RESF1: variants seen among roughly 807,000 people sequenced by gnomAD.
RESF1 encodes the protein retroelement silencing factor 1, also known as gonad expressed transcript.
In RESF1, 65 loss-of-function variants were observed where a neutral mutation model predicts 134.7. The ratio of observed to expected loss-of-function variants is 0.48; its 90% CI spans 0.40 to 0.59. RESF1 has a LOEUF of 0.59. Ranked by LOEUF, RESF1 falls within the 20% of genes least tolerant of loss-of-function variation. The pLI is 0.00. For missense variants in RESF1, 2,274 were observed against 2,002.7 expected (o/e 1.14, Z -2.59); for synonymous variants, 762 against 702.2 (o/e 1.09, Z -1.35).
intron 2 of RESF1, among the ~76,000 whole-genome samples, chr12:31,966,255 A>G (rs868778140): frequency 6.6e-6 from 1 of 152,146 alleles, no homozygotes; most frequent in Non-Finnish European, 1.5e-5. Flanking sequence ...CATGCTGCCC[A>G]TGGGCCGCGG....
In RESF1 at chr12:31,984,532, A is replaced by C. The variant is rs776090980; in HGVS notation, c.3577A>C (p.Ile1193Leu). The C allele has an allele frequency of 5.6e-6, 9 of 1,595,602 alleles. No individual in the cohort carries two copies. The highest frequency in any genetic ancestry group is 7.7e-6 in the Non-Finnish European group (9 of 1,171,140). Residue 1193 changes from isoleucine (I) to leucine (L), a missense_variant, in exon 4 of 6, where the codon ATC (isoleucine) becomes CTC (leucine). By Grantham distance (5) the Ile-to-Leu change is conservative. Coordinates refer to ENST00000312561, the MANE Select transcript of RESF1 (RefSeq NM_018169.4). ...EGVPQCQCNS[I>L]KNSSSEEEKQ... The stretch of plus-strand genomic sequence containing the variant: ...AGTACCCCAGTGTCAGTGTAATTCC[A>C]TCAAGAACTCATCTTCAGAGGAAGA...
rs189940575 is a variant in RESF1 at position 31,979,014 on chromosome 12, G to A, written c.-78-1864G>A. On this transcript the variant is annotated intron_variant, in intron 3 of 5. Coordinates refer to ENST00000312561, the MANE Select transcript of RESF1 (RefSeq NM_018169.4). ...GGGCTCACTGCAAGCTCCGCCTACC[G>A]GGTTCTCACCATTCTCCTGCCTCAG... Among the ~76,000 whole-genome samples the A allele has an allele frequency of 4.6e-3, 692 of 149,344 alleles. 6 individuals carry two copies. The highest frequency in any genetic ancestry group is 0.017 in the African/African-American group (672 of 40,658).
chr12:31,981,507 G>A lies in RESF1; in HGVS notation c.552G>A (p.Gln184=). Residue 184 remains glutamine, a synonymous_variant, in exon 4 of 6, where the codon CAG becomes CAA. Coordinates refer to ENST00000312561, the MANE Select transcript of RESF1 (RefSeq NM_018169.4). Reference sequence around the variant, plus strand: ...TTCCTGTAGCTTACCAAGGAAATCAGGGACTTAACCAGTCTTTTTCAGAGC... The same window carrying A: ...TTCCTGTAGCTTACCAAGGAAATCAAGGACTTAACCAGTCTTTTTCAGAGC... ...TRLPVAYQGN[Q]GLNQSFSEQQ... 6.2e-7 allele frequency: 1 copy of A among 1,613,980 alleles called. No individual in the cohort carries two copies. Among genetic ancestry groups the A allele is most frequent in the Non-Finnish European group, 8.5e-7 (1 of 1,179,912 alleles).
intron 4 of RESF1, among the ~76,000 whole-genome samples, chr12:31,986,969 C>T (rs1324248321): frequency 1.3e-5 from 2 of 152,166 alleles, no homozygotes; most frequent in African/African-American, 4.8e-5. Context: ...TTTTCTATCT[C>T]ATGTGTCCTT....
In RESF1 at chr12:31,984,479, T is replaced by C; in HGVS notation, c.3524T>C (p.Leu1175Ser). 1 of 1,612,518 alleles carries C rather than the reference T, an allele frequency of 6.2e-7. No homozygotes were observed. The highest frequency in any genetic ancestry group is 8.5e-7 in the Non-Finnish European group (1 of 1,178,776). ...AAAGATGATATCCACTGCTGTGCAT[T>C]GGGCTGGCTCTCCATGGTTTACGAA... ...SEKDDIHCCA[L>S]GWLSMVYEGV... Residue 1175 changes from leucine to serine, a missense_variant, in exon 4 of 6, where the codon TTG becomes TCG. Transcript: ENST00000312561.
At position 31,981,108 on chromosome 12, in the gene RESF1, G is replaced by A. The variant is rs919034290; in HGVS notation, c.153G>A (p.Met51Ile). 15 of 1,614,022 alleles carry A rather than the reference G, an allele frequency of 9.3e-6. No individual in the cohort carries two copies. In the African/African-American group the frequency reaches 1.5e-4, roughly 16 times the overall value. The change falls in exon 4 of 6, where the codon ATG becomes ATA. Residue 51 changes from methionine (M) to isoleucine (I), a missense_variant. Transcript: ENST00000312561. ...SYPGSNQEACMYPGNSNPISQ... is the reference protein window; with the variant it reads ...SYPGSNQEACIYPGNSNPISQ... ...CTGGAAGTAACCAAGAAGCATGCATGTATCCCGGTAATTCAAATCCAATTT... is the reference window on the plus strand; with the variant it reads ...CTGGAAGTAACCAAGAAGCATGCATATATCCCGGTAATTCAAATCCAATTT...
In RESF1 at chr12:31,963,318, C is replaced by T. The variant is rs538757838; in HGVS notation, c.-247+2447C>T. Among the ~76,000 whole-genome samples, 17 of 151,170 alleles carry T rather than the reference C, an allele frequency of 1.1e-4. 1 individual carries two copies. The East Asian group carries it at 2.9e-3, about 26-fold the overall frequency. On this transcript the variant is annotated intron_variant, in intron 2 of 5. Transcript: ENST00000312561. ...TGAGATCACACCACTGCACTCCAGC[C>T]TGGACGACAGAGCGAGACTGTCTCA... is the stretch of plus-strand genomic sequence containing the variant.
chr12:31,972,605 CA>C (rs71064904), intron 3 of RESF1, among the ~76,000 whole-genome samples: 40,212 of 108,496 alleles, frequency 0.37, 5,384 homozygotes, highest in East Asian at 0.63. Flanking sequence ...GACTCCGTCT[CA>C]AAAAAAAAAA....
Position 31,984,486 on chromosome 12 carries a change from G to T in RESF1, c.3531G>T (p.Trp1177Cys). The change falls in exon 4 of 6, where the codon TGG (tryptophan) becomes TGT (cysteine). Residue 1177 changes from tryptophan to cysteine, a missense_variant. Transcript: ENST00000312561. ...ATATCCACTGCTGTGCATTGGGCTG[G>T]CTCTCCATGGTTTACGAAGGAGTAC... ...KDDIHCCALG[W>C]LSMVYEGVPQ... 1 of 1,611,176 alleles carries T rather than the reference G, an allele frequency of 6.2e-7. No homozygotes were observed. The highest frequency in any genetic ancestry group is 8.5e-7 in the Non-Finnish European group (1 of 1,177,836).
At position 31,981,886 on chromosome 12, in the gene RESF1, A is replaced by G; in HGVS notation, c.931A>G (p.Met311Val). 1.2e-6 allele frequency: 2 copies of G among 1,614,166 alleles called. No homozygotes were observed. Among genetic ancestry groups the G allele is most frequent in the Non-Finnish European group, 8.5e-7 (1 of 1,180,018 alleles). ...TATGGAAGTTCCTCAGAGTCGAGAA[A>G]TGCTGTCATCTGAAATAAGGACCAG... Reference protein sequence around the residue: ...LSMEVPQSREMLSSEIRTSFQ... With the variant: ...LSMEVPQSREVLSSEIRTSFQ... Residue 311 changes from methionine (M) to valine (V), a missense_variant, in exon 4 of 6, where the codon ATG becomes GTG. By Grantham distance (21) the Met-to-Val change is conservative. Coordinates refer to ENST00000312561, the MANE Select transcript of RESF1 (RefSeq NM_018169.4).
At chr12:31,961,099 A>G (rs557111077) in intron 2 of RESF1, among the ~76,000 whole-genome samples, 5 of 152,232 alleles carry the variant, frequency 3.3e-5, no homozygotes, top group Non-Finnish European at 7.3e-5. Flanking sequence ...ATAAGGAAAG[A>G]GGTCTTTGGT....
intron 3 of RESF1, among the ~76,000 whole-genome samples, chr12:31,972,881 C>T (rs1234793291): frequency 1.3e-5 from 2 of 152,004 alleles, no homozygotes; most frequent in African/African-American, 4.8e-5. Flanking sequence ...TAATGTTTTA[C>T]TTTTTGTTTT....
rs1191056043 is a variant in RESF1 at position 31,980,904 on chromosome 12, GTAACTGACTTA to G, written c.-41_-31del. The G allele has an allele frequency of 3.8e-6, 5 of 1,331,052 alleles. No individual in the cohort carries two copies. The highest frequency in any genetic ancestry group is 2.9e-5 in the South Asian group (2 of 69,460). 82.5% of individuals were successfully genotyped at this position (1,331,052 alleles called of 1,614,324 possible). A position where few individuals can be genotyped will look rare whatever the true frequency, so the allele number is the denominator to read the frequency against. On this transcript the variant is annotated 5_prime_UTR_variant, in exon 4 of 6. Coordinates refer to ENST00000312561, the MANE Select transcript of RESF1 (RefSeq NM_018169.4). ...TTCCTGACATTCAGACAACTGACTT[GTAACTGACTTA>G]TAACTGACTTGTAATACACTGCTAC...
chr12:31,983,141 T>A lies in RESF1; in HGVS notation c.2186T>A (p.Ile729Lys). ...GGAAATTCAAATTCTCAGAATAAAA[T>A]AAGTAATCCCTCACAGCAGACAGCT... The part of the protein sequence containing the change: ...VVGNSNSQNK[I>K]SNPSQQTALS... The change falls in exon 4 of 6, where the codon ATA (isoleucine) becomes AAA (lysine). Residue 729 changes from isoleucine to lysine, a missense_variant. Ile to Lys is a moderately radical substitution (Grantham distance 102, BLOSUM62 -3). Transcript: ENST00000312561. The A allele has an allele frequency of 6.2e-7, 1 of 1,611,324 alleles. No homozygotes were observed. Among genetic ancestry groups the A allele is most frequent in the Non-Finnish European group, 8.5e-7 (1 of 1,179,006 alleles).
chr12:31,990,718 T>C (rs4931004), intron 5 of RESF1, among the ~76,000 whole-genome samples: 118,820 of 152,122 alleles, frequency 0.78, 46,331 homozygotes, highest in South Asian at 0.83. Context: ...GGATTACAGG[T>C]GTGAGCCACT....
rs993055421 is a variant in RESF1 at position 31,992,868 on chromosome 12, G to A, written c.*333G>A. 2.0e-5 allele frequency: 5 copies of A among 252,710 alleles called. No individual in the cohort carries two copies. Among genetic ancestry groups the A allele is most frequent in the Non-Finnish European group, 3.8e-5 (5 of 130,886 alleles). 15.7% of individuals were successfully genotyped at this position (252,710 alleles called of 1,614,324 possible). A position where few individuals can be genotyped will look rare whatever the true frequency, so the allele number is the denominator to read the frequency against. ...AGGACCGTTCCTCAGTTAAGGACTT[G>A]TTTATTTAAATGGGACTGTAAATAT... On this transcript the variant is annotated 3_prime_UTR_variant, in exon 6 of 6. Coordinates refer to ENST00000312561, the MANE Select transcript of RESF1 (RefSeq NM_018169.4).
At chr12:31,973,632 C>T (rs922395838) in intron 3 of RESF1, among the ~76,000 whole-genome samples, 1 of 151,638 alleles carries the variant, frequency 6.6e-6, no homozygotes. Context: ...GAGTGCTTTT[C>T]GAGTTTTCAG....
At position 31,984,962 on chromosome 12, in the gene RESF1, C is replaced by G. The variant is rs760404118; in HGVS notation, c.4007C>G (p.Thr1336Arg). ...HVTQNSRPLK[T>R]KTAFLPNKDV... ...ACACAGAACTCACGTCCACTAAAAACAAAAACAGCTTTTTTGCCAAATAAA... is the reference window on the plus strand; with the variant it reads ...ACACAGAACTCACGTCCACTAAAAAGAAAAACAGCTTTTTTGCCAAATAAA... Residue 1336 changes from threonine to arginine, a missense_variant, in exon 4 of 6, where the codon ACA (threonine) becomes AGA (arginine). By Grantham distance (71) the Thr-to-Arg change is moderately conservative. Coordinates refer to ENST00000312561, the MANE Select transcript of RESF1 (RefSeq NM_018169.4). 5 of 1,612,956 alleles carry G rather than the reference C, an allele frequency of 3.1e-6. No individual in the cohort carries two copies. In the African/African-American group the frequency reaches 6.7e-5, roughly 22 times the overall value.
intron 2 of RESF1, among the ~76,000 whole-genome samples, chr12:31,964,696 A>G (rs1054462277): frequency 2.0e-5 from 3 of 152,168 alleles, no homozygotes; most frequent in Non-Finnish European, 4.4e-5. Flanking sequence ...TGTGATTTGC[A>G]TTTACCTGAT....
Sources: gnomAD v4.1 joint callset for allele counts (sites outside exome capture counted in the v4.1 genomes callset) on GRCh38, gnomAD v4.1.1 for gene constraint, MANE v1.5 for transcripts, NCBI Gene and HGNC (gene_info 2026-07-23, HGNC 2026-07-21) for gene names.